The following MTX1 variants were observed in gnomAD, a reference collection of about 807,000 sequenced individuals.
The protein encoded by MTX1 is metaxin-1.
Under a neutral mutation model 39.4 loss-of-function variants are expected in MTX1, and 20 were observed. That is an observed-to-expected ratio of 0.51 (90% CI 0.36 to 0.74). The LOEUF is 0.74. Among genes scored for constraint, MTX1 ranks in the 30% least tolerant of loss-of-function variants. The pLI is 0.00. For missense variants in MTX1, 481 were observed against 485.9 expected (o/e 0.99, Z 0.10); for synonymous variants, 209 against 198.6 (o/e 1.05, Z -0.44).
chr1:155,212,272 A>AACACAC, intron 4 of MTX1, 53 bp downstream of exon 4: 1 of 1,595,506 alleles, frequency 6.3e-7, no homozygotes, highest in Non-Finnish European at 8.6e-7. Context: ...AGGGTTCGGG[A>AACACAC]ACACACAGAC....
At position 155,211,916 on chromosome 1, in the gene MTX1, C is replaced by T. The variant is rs763812332; in HGVS notation, c.679-211C>T. 3.2e-4 allele frequency: 139 copies of T among 440,020 alleles called. 1 individual carries two copies. The highest frequency in any genetic ancestry group is 4.5e-4 in the Non-Finnish European group (112 of 247,694). 27.3% of individuals were successfully genotyped at this position (440,020 alleles called of 1,614,324 possible). A position where few individuals can be genotyped will look rare whatever the true frequency, so the allele number is the denominator to read the frequency against. On this transcript the variant is annotated intron_variant, in intron 3 of 7. Coordinates refer to ENST00000368376, the MANE Select transcript of MTX1 (RefSeq NM_002455.5). ...CCCTGCATTGGGCGCTGGACCTTCA[C>T]GGCCAGGAGGCTCCAAGGCCCAGGC... is the stretch of plus-strand genomic sequence containing the variant.
rs1670968050 is a variant in MTX1, at chr1:155,209,210, G to A, written c.406G>A (p.Glu136Lys). ...AGGGPRQGRA[E>K]AHKEVFPGQR... ...GGGCGGGCCCAGGCAGGGGAGGGCA[G>A]AAGCACACAAGGAAGTGTTTCCGGG... Residue 136 changes from glutamate to lysine, a missense_variant, in exon 1 of 8, where the codon GAA (glutamate) becomes AAA (lysine). By Grantham distance (56) the Glu-to-Lys change is moderately conservative (BLOSUM62 1). Around this residue, in one of 2 missense-constraint regions of MTX1, gnomAD observed 368 missense variants for 332.8 expected, o/e 1.11. Transcript: ENST00000368376. The A allele has an allele frequency of 2.7e-6, 4 of 1,462,238 alleles. No individual in the cohort carries two copies. The highest frequency in any genetic ancestry group is 2.7e-6 in the Non-Finnish European group (3 of 1,104,560). 90.6% of individuals were successfully genotyped at this position (1,462,238 alleles called of 1,614,324 possible). A position where few individuals can be genotyped will look rare whatever the true frequency, so the allele number is the denominator to read the frequency against.
intron 3 of MTX1, chr1:155,211,160 C>A (rs1265923221): frequency 1.3e-5 from 2 of 154,750 alleles, no homozygotes; most frequent in Non-Finnish European, 2.9e-5. Flanking sequence ...AAGGGTTCTT[C>A]TAGCATTGAC....
In MTX1 at chr1:155,209,198, C is replaced by A. The variant is rs1241784732; in HGVS notation, c.394C>A (p.Gln132Lys). Residue 132 changes from glutamine (Q) to lysine (K), a missense_variant, in exon 1 of 8, where the codon CAG becomes AAG. Coordinates refer to ENST00000368376, the MANE Select transcript of MTX1 (RefSeq NM_002455.5). Reference protein sequence around the residue: ...GGAVAGGGPRQGRAEAHKEVF... With the variant: ...GGAVAGGGPRKGRAEAHKEVF... ...GGCGGTGGCGGGGGGCGGGCCCAGG[C>A]AGGGGAGGGCAGAAGCACACAAGGA... The A allele has an allele frequency of 1.4e-6, 2 of 1,465,888 alleles. No homozygotes were observed. Among genetic ancestry groups the A allele is most frequent in the Middle Eastern group, 4.1e-4 (2 of 4,920 alleles). The allele number at this position is 1,465,888 out of a possible 1,614,324, so 90.8% of individuals were successfully genotyped here.
chr1:155,210,222 T>C (rs936804634), intron 1 of MTX1, 124 bp from the exon 2 acceptor site: 37 of 833,452 alleles, frequency 4.4e-5, no homozygotes, highest in Non-Finnish European at 6.7e-5. Flanking sequence ...CCCTTTTTTT[T>C]CGAGACTAAG....
chr1:155,212,901 C>T lies in MTX1; in HGVS notation c.1031+131C>T. On this transcript the variant is annotated intron_variant, in intron 6 of 7. Transcript: ENST00000368376. ...AGGAGGTCCCTGGGATAGAAACTGG[C>T]CCTAGTGACAGTGTGACTGTGTGGG... 2.0e-6 allele frequency: 3 copies of T among 1,498,082 alleles called. No individual in the cohort carries two copies. The South Asian group carries it at 4.0e-5, about 20-fold the overall frequency. The allele number at this position is 1,498,082 out of a possible 1,614,324, so 92.8% of individuals were successfully genotyped here.
At position 155,212,194 on chromosome 1, in the gene MTX1, TGGA is replaced by T. The variant is rs756079459; in HGVS notation, c.751_753del (p.Glu251del). 1.1e-5 allele frequency: 17 copies of T among 1,612,322 alleles called. No homozygotes were observed. Among genetic ancestry groups the T allele is most frequent in the Admixed American group, 5.0e-5 (3 of 59,832 alleles). Reference sequence around the variant, plus strand: ...GACACCCTGGCCTTCATGTCTCTCCTGGAGGAGAAGTTGCTCCCGGTGCTGGTG... The same window carrying T: ...GACACCCTGGCCTTCATGTCTCTCCTGGAGAAGTTGCTCCCGGTGCTGGTG... On this transcript the variant is annotated inframe_deletion, in exon 4 of 8. Coordinates refer to ENST00000368376, the MANE Select transcript of MTX1 (RefSeq NM_002455.5).
rs772881234 is a variant in MTX1, at chr1:155,209,159, G to T, written c.355G>T (p.Ala119Ser). 27 of 1,503,290 alleles carry T rather than the reference G, an allele frequency of 1.8e-5. No individual in the cohort carries two copies. Among genetic ancestry groups the T allele is most frequent in the Admixed American group, 4.7e-5 (2 of 42,864 alleles). The allele number at this position is 1,503,290 out of a possible 1,614,324, so 93.1% of individuals were successfully genotyped here. The change falls in exon 1 of 8, where the codon GCA (alanine) becomes TCA (serine). Residue 119 changes from alanine (A) to serine (S), a missense_variant. Coordinates refer to ENST00000368376, the MANE Select transcript of MTX1 (RefSeq NM_002455.5). The stretch of plus-strand genomic sequence containing the variant: ...GGGGATCTCCCCAGGCCCCCTGACC[G>T]CAACGATCGGAGGGGCGGTGGCGGG... Reference protein sequence around the residue: ...SPGISPGPLTATIGGAVAGGG... With the variant: ...SPGISPGPLTSTIGGAVAGGG...
At chr1:155,211,718 G>T in intron 3 of MTX1, 1 of 157,858 alleles carries the variant, frequency 6.3e-6, no homozygotes, top group Non-Finnish European at 1.4e-5. Context: ...GCTTTCTCTG[G>T]TTCCTGAGGC....
chr1:155,209,262 C>T lies in MTX1; in HGVS notation c.458C>T (p.Pro153Leu). The T allele has an allele frequency of 6.9e-7, 1 of 1,449,464 alleles. No individual in the cohort carries two copies. Among genetic ancestry groups the T allele is most frequent in the Non-Finnish European group, 9.1e-7 (1 of 1,098,082 alleles). The allele number at this position is 1,449,464 out of a possible 1,614,324, so 89.8% of individuals were successfully genotyped here. Residue 153 changes from proline to leucine, a missense_variant, in exon 1 of 8, where the codon CCC (proline) becomes CTC (leucine). Pro to Leu is a moderately conservative substitution (Grantham distance 98). Around this residue, in one of 2 missense-constraint regions of MTX1, gnomAD observed 368 missense variants for 332.8 expected, o/e 1.11. Coordinates refer to ENST00000368376, the MANE Select transcript of MTX1 (RefSeq NM_002455.5). Reference protein sequence around the residue: ...PGQRVGKMAAPMELFCWSGGW... With the variant: ...PGQRVGKMAALMELFCWSGGW... ...CAGAGGGTGGGCAAGATGGCGGCGC[C>T]CATGGAGCTGTTCTGCTGGTCAGGG...
At position 155,209,148 on chromosome 1, in the gene MTX1, G is replaced by A. The variant is rs1263782855; in HGVS notation, c.344G>A (p.Gly115Asp). 2.6e-6 allele frequency: 4 copies of A among 1,525,284 alleles called. No homozygotes were observed. The African/African-American group carries it at 4.2e-5, about 16-fold the overall frequency. The allele number at this position is 1,525,284 out of a possible 1,614,324, so 94.5% of individuals were successfully genotyped here. Residue 115 changes from glycine (G) to aspartate (D), a missense_variant, in exon 1 of 8, where the codon GGC (glycine) becomes GAC (aspartate). Gly to Asp is a moderately conservative substitution (Grantham distance 94, BLOSUM62 -1). Around this residue, in one of 2 missense-constraint regions of MTX1, gnomAD observed 368 missense variants for 332.8 expected, o/e 1.11. Coordinates refer to ENST00000368376, the MANE Select transcript of MTX1 (RefSeq NM_002455.5). ...RSLASPGISP[G>D]PLTATIGGAV... ...CTCGCCTCCCCGGGGATCTCCCCAGGCCCCCTGACCGCAACGATCGGAGGG... is the reference window on the plus strand; with the variant it reads ...CTCGCCTCCCCGGGGATCTCCCCAGACCCCCTGACCGCAACGATCGGAGGG...
intron 1 of MTX1, 146 bp downstream of exon 1, chr1:155,209,478 T>C (rs1289532284): frequency 2.2e-6 from 2 of 897,158 alleles, no homozygotes; most frequent in African/African-American, 3.5e-5. Context: ...GTGGCCGATA[T>C]GGCCTCAGTG....
chr1:155,210,761 T>C, intron 3 of MTX1, 134 bp downstream of exon 3: 1 of 802,880 alleles, frequency 1.2e-6, no homozygotes, highest in Non-Finnish European at 2.1e-6. Flanking sequence ...AACAGTCTTG[T>C]GGCAGAGACA....
chr1:155,210,582 G>T lies in MTX1; in HGVS notation c.633G>T (p.Glu211Asp). Residue 211 changes from glutamate (E) to aspartate (D), a missense_variant, in exon 3 of 8, where the codon GAG becomes GAT. Transcript: ENST00000368376. ...CTGCCCTTCGGACCAGTCATGGAGA[G>T]GTCATCTCAGTTCCACACAAGATCA... Reference protein sequence around the residue: ...TLPALRTSHGEVISVPHKIIT... With the variant: ...TLPALRTSHGDVISVPHKIIT... The T allele has an allele frequency of 6.2e-7, 1 of 1,614,166 alleles. No individual in the cohort carries two copies.
In MTX1 at chr1:155,212,174, C is replaced by G. The variant is rs745889779; in HGVS notation, c.726C>G (p.Thr242=). The G allele has an allele frequency of 6.2e-7, 1 of 1,612,526 alleles. No individual in the cohort carries two copies. Among genetic ancestry groups the G allele is most frequent in the Non-Finnish European group, 8.5e-7 (1 of 1,179,158 alleles). ...TGTCAGCTCGGCAAGGGGCAGACACCCTGGCCTTCATGTCTCTCCTGGAGG... is the reference window on the plus strand; with the variant it reads ...TGTCAGCTCGGCAAGGGGCAGACACGCTGGCCTTCATGTCTCTCCTGGAGG... ...YDLSARQGAD[T]LAFMSLLEEK... Residue 242 remains threonine, a synonymous_variant, in exon 4 of 8, where the codon ACC becomes ACG. Coordinates refer to ENST00000368376, the MANE Select transcript of MTX1 (RefSeq NM_002455.5).
intron 4 of MTX1, 25 bp from the exon 5 acceptor site, chr1:155,212,360 G>T (rs763840522): frequency 6.2e-7 from 1 of 1,613,470 alleles, no homozygotes; most frequent in Non-Finnish European, 8.5e-7. Context: ...AGACCTACCT[G>T]TTTCTTCCTG....
At chr1:155,212,265 G>T (rs748478220) in intron 4 of MTX1, 46 bp downstream of exon 4, 4 of 1,595,214 alleles carry the variant, frequency 2.5e-6, no homozygotes, top group Non-Finnish European at 2.6e-6. Context: ...GCCGGGGAGG[G>T]TTCGGGAACA....
chr1:155,212,845 G>A, intron 6 of MTX1, 75 bp downstream of exon 6: 2 of 1,507,204 alleles, frequency 1.3e-6, no homozygotes, highest in South Asian at 2.6e-5. Flanking sequence ...TGGAGCTGGG[G>A]CTGGGGCTGG....
In MTX1 at chr1:155,209,219, A is replaced by G. The variant is rs1204929053; in HGVS notation, c.415A>G (p.Lys139Glu). The change falls in exon 1 of 8, where the codon AAG becomes GAG. Residue 139 changes from lysine (K) to glutamate (E), a missense_variant. Lys to Glu is a moderately conservative substitution (Grantham distance 56). Around this residue, in one of 2 missense-constraint regions of MTX1, gnomAD observed 368 missense variants for 332.8 expected, o/e 1.11. Coordinates refer to ENST00000368376, the MANE Select transcript of MTX1 (RefSeq NM_002455.5). ...CAGGCAGGGGAGGGCAGAAGCACAC[A>G]AGGAAGTGTTTCCGGGACAGAGGGT... ...GPRQGRAEAH[K>E]EVFPGQRVGK... 2.7e-6 allele frequency: 4 copies of G among 1,457,228 alleles called. No homozygotes were observed. Among genetic ancestry groups the G allele is most frequent in the Non-Finnish European group, 3.6e-6 (4 of 1,101,688 alleles). The allele number at this position is 1,457,228 out of a possible 1,614,324, so 90.3% of individuals were successfully genotyped here.
Sources: gnomAD v4.1 joint callset for allele counts on GRCh38, gnomAD v4.1.1 for gene constraint, gnomAD v4.1.1 regional missense constraint, MANE v1.5 for transcripts, NCBI Gene and HGNC (gene_info 2026-07-23, HGNC 2026-07-21) for gene names.